Variants in CNTNAP4 observed in about 807,000 individuals in gnomAD.
CNTNAP4 encodes the protein contactin associated protein family member 4.
Under a neutral mutation model 148.4 loss-of-function variants are expected in CNTNAP4, and 98 were observed. The ratio of observed to expected loss-of-function variants is 0.66; its 90% CI spans 0.56 to 0.78. The LOEUF is 0.78. Among genes scored for constraint, CNTNAP4 ranks in the 30% least tolerant of loss-of-function variants. The pLI is 0.00. For missense variants in CNTNAP4, 1,935 were observed against 1,565.6 expected (o/e 1.24, Z -3.98); for synonymous variants, 730 against 565.1 (o/e 1.29, Z -4.14).
chr16:76,534,396 C>T (rs1173613365), intron 17 of CNTNAP4, among the ~76,000 whole-genome samples: 1 of 152,134 alleles, frequency 6.6e-6, no homozygotes, highest in Non-Finnish European at 1.5e-5. Context: ...AGAGTACATA[C>T]AAGGTCCTGG....
intron 18 of CNTNAP4, among the ~76,000 whole-genome samples, chr16:76,536,619 G>A (rs566785130): frequency 3.3e-5 from 5 of 152,042 alleles, no homozygotes; most frequent in East Asian, 3.9e-4. Flanking sequence ...ATTAAATATC[G>A]ATGCATTACA....
intron 12 of CNTNAP4, among the ~76,000 whole-genome samples, chr16:76,480,426 C>G (rs1340918470): frequency 6.6e-6 from 1 of 151,970 alleles, no homozygotes; most frequent in African/African-American, 2.4e-5. Context: ...TAGAAAACAC[C>G]CTTTCAATGA....
At chr16:76,389,889 A>G (rs1382374267) in intron 3 of CNTNAP4, among the ~76,000 whole-genome samples, 4 of 152,230 alleles carry the variant, frequency 2.6e-5, no homozygotes, top group African/African-American at 9.6e-5. Flanking sequence ...CTCTAGAAGC[A>G]GAACCTGAGA....
chr16:76,363,135 C>A, intron 3 of CNTNAP4, among the ~76,000 whole-genome samples: 2 of 147,542 alleles, frequency 1.4e-5, no homozygotes, highest in East Asian at 2.0e-4. Context: ...TATCCACATG[C>A]AAAACAATGA....
intron 17 of CNTNAP4, among the ~76,000 whole-genome samples, chr16:76,525,844 T>A (rs959503065): frequency 6.8e-6 from 1 of 147,962 alleles, no homozygotes; most frequent in Non-Finnish European, 1.5e-5. Flanking sequence ...TAACTATATA[T>A]AATTACATAT....
chr16:76,389,381 G>A (rs922093303), intron 3 of CNTNAP4, among the ~76,000 whole-genome samples: 2 of 152,142 alleles, frequency 1.3e-5, no homozygotes, highest in African/African-American at 4.8e-5. Flanking sequence ...AGCATTTCTG[G>A]CAACGTTGCT....
At chr16:76,290,142 G>A (rs557610458) in intron 1 of CNTNAP4, among the ~76,000 whole-genome samples, 3 of 152,280 alleles carry the variant, frequency 2.0e-5, no homozygotes, top group African/African-American at 7.2e-5. Flanking sequence ...TGTGAGACAA[G>A]TGTTACTATG....
intron 3 of CNTNAP4, among the ~76,000 whole-genome samples, chr16:76,403,233 C>G (rs2078482323): frequency 6.6e-6 from 1 of 151,998 alleles, no homozygotes. Context: ...GCTGGGACTA[C>G]AGGCACCTGC....
At chr16:76,416,723 C>CT (rs113510160) in intron 3 of CNTNAP4, among the ~76,000 whole-genome samples, 118 of 151,396 alleles carry the variant, frequency 7.8e-4, no homozygotes, top group African/African-American at 2.8e-3. Flanking sequence ...GTGAAATGTT[C>CT]TCAAAATGTT....
Position 76,535,750 on chromosome 16 carries a change from T to C in CNTNAP4, c.2961T>C (p.Thr987=), listed in dbSNP as rs1304677731. Residue 987 remains threonine (T), a synonymous_variant, in exon 18 of 24, where the codon ACT becomes ACC. Transcript: ENST00000611870. ...ERPIGFFCDC[T]FSAYTGPFCS... ...CCATTGGGTTCTTTTGTGACTGCAC[T>C]TTCTCTGCATACACAGGGCCATTCT... 1.9e-6 allele frequency: 3 copies of C among 1,613,810 alleles called. No homozygotes were observed. Among genetic ancestry groups the C allele is most frequent in the Non-Finnish European group, 2.5e-6 (3 of 1,179,854 alleles).
intron 3 of CNTNAP4, among the ~76,000 whole-genome samples, chr16:76,393,794 C>A (rs905526081): frequency 1.3e-5 from 2 of 152,158 alleles, no homozygotes; most frequent in Non-Finnish European, 2.9e-5. Context: ...TGAGAACATG[C>A]ACTAAAATCT....
chr16:76,359,150 G>A (rs183929389), intron 3 of CNTNAP4, among the ~76,000 whole-genome samples: 93 of 152,186 alleles, frequency 6.1e-4, no homozygotes, highest in Non-Finnish European at 6.8e-4. Context: ...TTAACCCTTT[G>A]TTACATTTTA....
chr16:76,492,768 C>T (rs1034193645), intron 13 of CNTNAP4, among the ~76,000 whole-genome samples: 2 of 152,126 alleles, frequency 1.3e-5, no homozygotes, highest in South Asian at 4.1e-4. Context: ...CCTTCCTTGC[C>T]TTCTGCCATG....
chr16:76,475,900 A>G (rs1449595412), intron 10 of CNTNAP4, 39 bp from the exon 11 acceptor site: 1 of 1,468,090 alleles, frequency 6.8e-7, no homozygotes. Context: ...AAGATATCTA[A>G]AAATGGAAAC....
chr16:76,370,873 GT>G (rs1249161534), intron 3 of CNTNAP4, among the ~76,000 whole-genome samples: 3 of 152,102 alleles, frequency 2.0e-5, no homozygotes, highest in African/African-American at 7.2e-5. Flanking sequence ...TTTAAGATAA[GT>G]TTCCCCCTAA....
intron 3 of CNTNAP4, among the ~76,000 whole-genome samples, chr16:76,391,086 A>G (rs966616297): frequency 6.6e-6 from 1 of 152,138 alleles, no homozygotes; most frequent in Non-Finnish European, 1.5e-5. Context: ...TGTGCTATCA[A>G]ATAGTAGGTC....
In CNTNAP4 at chr16:76,538,799, T is replaced by TA. The variant is rs558690035; in HGVS notation, c.3220+466dup. 2.6e-3 allele frequency among the ~76,000 whole-genome samples: 388 copies of TA among 152,024 alleles called. 3 individuals carry two copies. Among genetic ancestry groups the TA allele is most frequent in the African/African-American group, 8.9e-3 (371 of 41,496 alleles). On this transcript the variant is annotated intron_variant, in intron 19 of 23. Transcript: ENST00000611870. ...ATGACCTTTTAGTTGTACTTTTAGT[T>TA]AAAAAAATCATCATGGGAAAAAAAT...
intron 22 of CNTNAP4, 56 bp downstream of exon 22, chr16:76,553,557 A>G (rs2085060358): frequency 1.5e-6 from 2 of 1,291,764 alleles, no homozygotes; most frequent in Non-Finnish European, 2.2e-6. Context: ...CATGGAATTT[A>G]GAAAACTTCT....
intron 2 of CNTNAP4, among the ~76,000 whole-genome samples, chr16:76,329,878 G>C (rs1963352321): frequency 6.6e-6 from 1 of 152,196 alleles, no homozygotes; most frequent in African/African-American, 2.4e-5. Flanking sequence ...GTCAGAGACT[G>C]TGTGCCAGAA....
Sources: allele counts gnomAD v4.1 joint callset (sites outside exome capture counted in the v4.1 genomes callset), GRCh38; gene constraint gnomAD v4.1.1; transcripts MANE v1.5; gene names NCBI Gene and HGNC (gene_info 2026-07-23, HGNC 2026-07-21).